The following ZFAND3 variants were observed in gnomAD, a reference collection of about 807,000 sequenced individuals.
ZFAND3 encodes AN1-type zinc finger protein 3.
ZFAND3 carries 10 observed loss-of-function variants against 29.6 expected under a neutral mutation model. The ratio of observed to expected loss-of-function variants is 0.34; its 90% CI spans 0.21 to 0.57. The LOEUF (loss-of-function observed/expected upper bound fraction) is 0.57, where lower values mean the gene tolerates loss of function less well. Among genes scored for constraint, ZFAND3 ranks in the 20% least tolerant of loss-of-function variants. The probability of loss-of-function intolerance (pLI) is 0.86; values close to 1 mark genes in which losing one functional copy is unlikely to be tolerated. For synonymous variants in ZFAND3, 128 were observed against 112.6 expected, an observed-to-expected ratio of 1.14 and a Z score of -0.87; for missense variants, 230 against 304.5, an observed-to-expected ratio of 0.76 and a Z score of 1.82.
At chr6:37,875,288 T>C (rs1201924505) in intron 1 of ZFAND3, among the ~76,000 whole-genome samples, 1 of 152,184 alleles carries the variant, frequency 6.6e-6, no homozygotes, top group Non-Finnish European at 1.5e-5. Context: ...GCTTGGAAAG[T>C]GATTTGAAAT....
chr6:38,131,281 AT>A (rs1430226348), intron 5 of ZFAND3, among the ~76,000 whole-genome samples: 2 of 151,518 alleles, frequency 1.3e-5, no homozygotes. Flanking sequence ...ATCTTTTGTG[AT>A]TTTTTTGTTT....
chr6:38,018,073 TTAATA>T (rs912002050), intron 2 of ZFAND3, among the ~76,000 whole-genome samples: 2 of 152,236 alleles, frequency 1.3e-5, no homozygotes, highest in Non-Finnish European at 2.9e-5. Context: ...GCCAGTTATC[TTAATA>T]TAATATGAGT....
intron 1 of ZFAND3, among the ~76,000 whole-genome samples, chr6:37,859,635 G>A (rs1764444106): frequency 6.6e-6 from 1 of 152,162 alleles, no homozygotes; most frequent in Non-Finnish European, 1.5e-5. Context: ...AGACCTTCAG[G>A]TGAGGCTTTG....
intron 2 of ZFAND3, among the ~76,000 whole-genome samples, chr6:37,946,555 G>A (rs1444459603): frequency 6.6e-6 from 1 of 152,104 alleles, no homozygotes; most frequent in African/African-American, 2.4e-5. Context: ...GTTTAAAATT[G>A]TGACCTATTT....
At chr6:37,947,030 C>T (rs773391898) in intron 2 of ZFAND3, among the ~76,000 whole-genome samples, 4 of 152,108 alleles carry the variant, frequency 2.6e-5, no homozygotes, top group Non-Finnish European at 4.4e-5. Flanking sequence ...TGGAACTGTA[C>T]GATTAAAAAC....
At chr6:38,103,258 T>C (rs1765128789) in intron 4 of ZFAND3, among the ~76,000 whole-genome samples, 2 of 151,998 alleles carry the variant, frequency 1.3e-5, no homozygotes, top group African/African-American at 4.8e-5. Context: ...TATATGTTGT[T>C]TTCCTTAAAG....
intron 1 of ZFAND3, among the ~76,000 whole-genome samples, chr6:37,845,474 A>C (rs966914892): frequency 6.6e-6 from 1 of 152,220 alleles, no homozygotes; most frequent in Non-Finnish European, 1.5e-5. Flanking sequence ...TTAATGATAC[A>C]GATAAGAAAA....
chr6:38,061,422 A>G (rs1417224891), intron 2 of ZFAND3, among the ~76,000 whole-genome samples, 171 bp from the exon 3 acceptor site: 1 of 152,156 alleles, frequency 6.6e-6, no homozygotes, highest in Non-Finnish European at 1.5e-5. Context: ...AGTACCTTCC[A>G]CTAATCTTAA....
intron 4 of ZFAND3, among the ~76,000 whole-genome samples, chr6:38,105,855 GTA>G (rs890620375): frequency 3.9e-5 from 6 of 152,198 alleles, no homozygotes; most frequent in Non-Finnish European, 5.9e-5. Context: ...AAAGCCATGT[GTA>G]TATCTGAACA....
chr6:37,871,813 A>T (rs1049371036), intron 1 of ZFAND3, among the ~76,000 whole-genome samples: 1 of 152,222 alleles, frequency 6.6e-6, no homozygotes, highest in South Asian at 2.1e-4. Context: ...ACAATTTATT[A>T]TAGAAATACT....
At chr6:38,052,304 T>C (rs1764042339) in intron 2 of ZFAND3, among the ~76,000 whole-genome samples, 2 of 152,332 alleles carry the variant, frequency 1.3e-5, no homozygotes, top group South Asian at 2.1e-4. Flanking sequence ...TGATGAATAA[T>C]AAGGAAGAAA....
intron 2 of ZFAND3, among the ~76,000 whole-genome samples, chr6:38,047,987 T>TA (rs1554169657): frequency 2.7e-5 from 4 of 150,810 alleles, no homozygotes; most frequent in African/African-American, 7.3e-5. Context: ...TTTTTTTTTT[T>TA]ACTTTTTGTG....
chr6:37,999,576 C>T lies in ZFAND3; in HGVS notation c.113-62017C>T, dbSNP rs570491190. Among the ~76,000 whole-genome samples, 466 of 152,332 alleles carry T rather than the reference C, an allele frequency of 3.1e-3. 3 individuals carry two copies. The highest frequency in any genetic ancestry group is 0.011 in the African/African-American group (443 of 41,574). On this transcript the variant is annotated intron_variant, in intron 2 of 5. Coordinates refer to ENST00000287218, the MANE Select transcript of ZFAND3 (RefSeq NM_021943.3). ...GTGTGATGAGAATGGCCTCTGTGAT[C>T]TTCCTCCAATCCCATTAATCCAGTT...
rs186263256 is a variant in ZFAND3, at chr6:38,103,312, G to A, written c.362-13260G>A. On this transcript the variant is annotated intron_variant, in intron 4 of 5. Coordinates refer to ENST00000287218, the MANE Select transcript of ZFAND3 (RefSeq NM_021943.3). ...TGTCAGCAACATTGAGGACTTAACC[G>A]TATATGAAAATAAATCTGGGTGTGT... 1.7e-3 allele frequency among the ~76,000 whole-genome samples: 258 copies of A among 150,732 alleles called. 2 individuals are homozygous for A. The highest frequency in any genetic ancestry group is 5.9e-3 in the African/African-American group (243 of 40,934).
At chr6:38,024,272 A>G (rs1464893980) in intron 2 of ZFAND3, among the ~76,000 whole-genome samples, 2 of 152,194 alleles carry the variant, frequency 1.3e-5, no homozygotes, top group East Asian at 1.9e-4. Flanking sequence ...GGAGATCAAG[A>G]CCATCCTGGC....
intron 2 of ZFAND3, among the ~76,000 whole-genome samples, chr6:38,019,072 G>A (rs528047221): frequency 1.5e-3 from 230 of 152,062 alleles, no homozygotes; most frequent in African/African-American, 5.2e-3. Context: ...AAGCAATTCT[G>A]TCTCAGCCTC....
chr6:38,129,317 T>C (rs1765698928), intron 5 of ZFAND3, among the ~76,000 whole-genome samples: 1 of 152,246 alleles, frequency 6.6e-6, no homozygotes, highest in Non-Finnish European at 1.5e-5. Flanking sequence ...GTGCAAAAGC[T>C]CTTTAGTTTA....
intron 2 of ZFAND3, among the ~76,000 whole-genome samples, chr6:38,013,644 C>G (rs1472151493): frequency 6.6e-6 from 1 of 152,032 alleles, no homozygotes; most frequent in Non-Finnish European, 1.5e-5. Context: ...TTTCCTAGAA[C>G]CAGTATTTCA....
intron 1 of ZFAND3, among the ~76,000 whole-genome samples, chr6:37,860,451 A>G (rs1034725084): frequency 5.3e-5 from 8 of 152,104 alleles, no homozygotes; most frequent in African/African-American, 1.9e-4. Flanking sequence ...CTTTTTAGGA[A>G]GACAGTGAGT....
Sources: allele counts gnomAD v4.1 joint callset (sites outside exome capture counted in the v4.1 genomes callset), GRCh38; gene constraint gnomAD v4.1.1; transcripts MANE v1.5; gene names NCBI Gene and HGNC (gene_info 2026-07-23, HGNC 2026-07-21).